The following FAM83D variants were observed in gnomAD, a reference collection of about 807,000 sequenced individuals.
FAM83D encodes the protein protein FAM83D.
In FAM83D, 26 loss-of-function variants were observed where a neutral mutation model predicts 25.4. The ratio of observed to expected loss-of-function variants is 1.02; its 90% confidence interval spans 0.75 to 1.42. The LOEUF (loss-of-function observed/expected upper bound fraction) is 1.42. Ranked by LOEUF, FAM83D falls within the 40% of genes most tolerant of loss-of-function variation. The pLI, the probability that FAM83D is intolerant of heterozygous loss-of-function variation, is 0.00. For missense variants in FAM83D, 740 were observed against 758.1 expected, an observed-to-expected ratio of 0.98 and a Z score of 0.28; for synonymous variants, 310 against 318.5, an observed-to-expected ratio of 0.97 and a Z score of 0.28.
rs1053289975 is a variant in FAM83D at position 38,927,962 on chromosome 20, G to C, written c.483+1037G>C. Among the ~76,000 whole-genome samples, 24 of 152,332 alleles carry C rather than the reference G, an allele frequency of 1.6e-4. No individual in the cohort carries two copies. In the East Asian group the frequency reaches 4.4e-3, roughly 28 times the overall value. On this transcript the variant is annotated intron_variant, in intron 1 of 3. Transcript: ENST00000619850. ...ATAGTGGGTTTTGGTCCTACTGTCT[G>C]ACTCTTAGTATGGCATGGTCATGGG...
At chr20:38,930,212 C>T (rs1350836201) in intron 1 of FAM83D, among the ~76,000 whole-genome samples, 1 of 152,168 alleles carries the variant, frequency 6.6e-6, no homozygotes, top group Non-Finnish European at 1.5e-5. Flanking sequence ...AAATGAGAAG[C>T]TGTTCTGCAT....
chr20:38,935,646 G>A (rs1373089402), intron 1 of FAM83D, among the ~76,000 whole-genome samples: 2 of 152,144 alleles, frequency 1.3e-5, no homozygotes, highest in Non-Finnish European at 2.9e-5. Context: ...GATGTCAACT[G>A]TGTTGCCCAG....
At chr20:38,939,816 G>T (rs2085694013) in intron 1 of FAM83D, among the ~76,000 whole-genome samples, 1 of 152,166 alleles carries the variant, frequency 6.6e-6, no homozygotes, top group Non-Finnish European at 1.5e-5. Context: ...CTGCATAATA[G>T]CACCTGTTTC....
chr20:38,946,216 A>C (rs951467611), intron 2 of FAM83D, among the ~76,000 whole-genome samples: 17 of 152,070 alleles, frequency 1.1e-4, no homozygotes, highest in South Asian at 4.2e-4. Flanking sequence ...AAAAAAAAAA[A>C]AAAACAATTT....
intron 1 of FAM83D, among the ~76,000 whole-genome samples, chr20:38,929,650 T>C (rs57569873): frequency 0.37 from 55,355 of 151,130 alleles, 10,601 homozygotes; most frequent in Middle Eastern, 0.52. Context: ...TGGTATCATG[T>C]GCCTGTAGTC....
chr20:38,940,392 C>T (rs908313550), intron 1 of FAM83D, among the ~76,000 whole-genome samples: 3 of 152,090 alleles, frequency 2.0e-5, no homozygotes, highest in Non-Finnish European at 4.4e-5. Flanking sequence ...TTCTTTAATC[C>T]CCCAAATCCT....
At chr20:38,933,660 T>C (rs2085666878) in intron 1 of FAM83D, among the ~76,000 whole-genome samples, 1 of 152,182 alleles carries the variant, frequency 6.6e-6, no homozygotes, top group East Asian at 1.9e-4. Flanking sequence ...GTAGCAAAAT[T>C]TACCATTTTA....
At chr20:38,938,799 C>T (rs990403787) in intron 1 of FAM83D, among the ~76,000 whole-genome samples, 8 of 152,184 alleles carry the variant, frequency 5.3e-5, no homozygotes, top group African/African-American at 1.9e-4. Flanking sequence ...TTGTCTTCAT[C>T]TGGTCTCTAG....
At chr20:38,945,642 C>T (rs1202213167) in intron 2 of FAM83D, among the ~76,000 whole-genome samples, 1 of 152,022 alleles carries the variant, frequency 6.6e-6, no homozygotes, top group African/African-American at 2.4e-5. Flanking sequence ...TCCAGGATCA[C>T]ACCTTACATT....
At chr20:38,929,047 C>T (rs1357086622) in intron 1 of FAM83D, among the ~76,000 whole-genome samples, 2 of 151,846 alleles carry the variant, frequency 1.3e-5, no homozygotes, top group Non-Finnish European at 2.9e-5. Flanking sequence ...CGTGGTGGTG[C>T]GTGCCTGTAA....
At chr20:38,927,242 G>GATT (rs2085639967) in intron 1 of FAM83D, among the ~76,000 whole-genome samples, 1 of 152,184 alleles carries the variant, frequency 6.6e-6, no homozygotes, top group African/African-American at 2.4e-5. Flanking sequence ...CCAAATTTCA[G>GATT]TTAAAATCAA....
chr20:38,926,690 C>T lies in FAM83D; in HGVS notation c.248C>T (p.Ala83Val). The change falls in exon 1 of 4, where the codon GCG becomes GTG. Residue 83 changes from alanine to valine, a missense_variant. Physicochemically the swap from Ala to Val is moderately conservative, Grantham distance 64 (BLOSUM62 0). This residue lies in a region of FAM83D where 333 missense variants were observed against 298.6 expected (regional missense o/e 1.12). Transcript: ENST00000619850. The stretch of plus-strand genomic sequence containing the variant: ...CCGGGAGAGGAGGGCGCGGCGGCGG[C>T]GGCGGCGGCCGAGGACTCGTTCGGC... ...ERPGEEGAAAAAAAEDSFGSS... is the reference protein window; with the variant it reads ...ERPGEEGAAAVAAAEDSFGSS... The T allele has an allele frequency of 2.0e-6, 3 of 1,518,998 alleles. No individual in the cohort carries two copies. The highest frequency in any genetic ancestry group is 2.6e-6 in the Non-Finnish European group (3 of 1,140,312). The allele number at this position is 1,518,998 out of a possible 1,614,324, so 94.1% of individuals were successfully genotyped here.
At chr20:38,932,847 A>T (rs2085663900) in intron 1 of FAM83D, among the ~76,000 whole-genome samples, 1 of 152,232 alleles carries the variant, frequency 6.6e-6, no homozygotes, top group African/African-American at 2.4e-5. Context: ...TGTTCCAAAG[A>T]GGCCACTTTT....
intron 3 of FAM83D, among the ~76,000 whole-genome samples, chr20:38,950,589 C>G (rs1398088753): frequency 6.6e-6 from 1 of 152,176 alleles, no homozygotes; most frequent in Non-Finnish European, 1.5e-5. Context: ...AGCTTGAGGG[C>G]AGGAAGGCCA....
chr20:38,939,413 G>A (rs1264782556), intron 1 of FAM83D, among the ~76,000 whole-genome samples: 1 of 152,024 alleles, frequency 6.6e-6, no homozygotes, highest in Non-Finnish European at 1.5e-5. Flanking sequence ...GCAGTGGTGC[G>A]ATCTCGGTTC....
intron 1 of FAM83D, among the ~76,000 whole-genome samples, 158 bp from the exon 2 acceptor site, chr20:38,941,801 A>G (rs1236368460): frequency 6.6e-6 from 1 of 152,076 alleles, no homozygotes; most frequent in Admixed American, 6.5e-5. Context: ...AAAAGAGTCC[A>G]TGGTGAGGGG....
Position 38,951,534 on chromosome 20 carries a change from T to G in FAM83D, c.777-5T>G. On this transcript the variant is annotated splice_polypyrimidine_tract_variant and splice_region_variant and intron_variant, in intron 3 of 3. Transcript: ENST00000619850. ...GCTGCTGTTTGTTTCTTTTTAATCTTTAAGTTTTACATGGACGGATGGCAA... is the reference window on the plus strand; with the variant it reads ...GCTGCTGTTTGTTTCTTTTTAATCTGTAAGTTTTACATGGACGGATGGCAA... 3.7e-6 allele frequency: 6 copies of G among 1,604,416 alleles called. No homozygotes were observed. The highest frequency in any genetic ancestry group is 5.1e-6 in the Non-Finnish European group (6 of 1,175,026).
At chr20:38,936,126 C>T (rs1568696392) in intron 1 of FAM83D, among the ~76,000 whole-genome samples, 1 of 152,048 alleles carries the variant, frequency 6.6e-6, no homozygotes, top group South Asian at 2.1e-4. Context: ...GCACACCTGA[C>T]CTCACTTTAT....
At chr20:38,938,234 C>T (rs528321059) in intron 1 of FAM83D, among the ~76,000 whole-genome samples, 1 of 152,240 alleles carries the variant, frequency 6.6e-6, no homozygotes, top group Non-Finnish European at 1.5e-5. Context: ...TCAGCTTGGC[C>T]GTGCCTTGTG....
Sources: allele counts gnomAD v4.1 joint callset (sites outside exome capture counted in the v4.1 genomes callset), GRCh38; gene constraint gnomAD v4.1.1; regional missense constraint gnomAD v4.1.1; transcripts MANE v1.5; gene names NCBI Gene and HGNC (gene_info 2026-07-23, HGNC 2026-07-21).